The following DGKH variants were observed in gnomAD, a reference collection of about 807,000 sequenced individuals.
DGKH encodes diacylglycerol kinase eta.
A neutral mutation model predicts 159.3 loss-of-function variants in DGKH; 90 were observed. The observed-to-expected ratio is 0.57, with a 90% CI of 0.48 to 0.67. The LOEUF is 0.67. Ranked by LOEUF, DGKH falls within the 30% of genes least tolerant of loss-of-function variation. The pLI, the probability that DGKH is intolerant of heterozygous loss-of-function variation, is 0.00. For synonymous variants in DGKH, 536 were observed against 553.8 expected (o/e 0.97, Z 0.45); for missense variants, 1,181 against 1,506.1 (o/e 0.78, Z 3.57).
chr13:42,176,389 A>G (rs1028567813), intron 12 of DGKH, among the ~76,000 whole-genome samples: 1 of 152,106 alleles, frequency 6.6e-6, no homozygotes, highest in African/African-American at 2.4e-5. Flanking sequence ...TTCTCATCCT[A>G]GCTGTAAAGA....
intron 1 of DGKH, among the ~76,000 whole-genome samples, chr13:42,096,168 G>T (rs1201354042): frequency 6.6e-6 from 1 of 151,916 alleles, no homozygotes; most frequent in East Asian, 1.9e-4. Flanking sequence ...GGGATGCTGA[G>T]GTTTGGAGTA....
At chr13:42,138,429 T>A (rs1387168819) in intron 3 of DGKH, among the ~76,000 whole-genome samples, 1 of 152,176 alleles carries the variant, frequency 6.6e-6, no homozygotes, top group Non-Finnish European at 1.5e-5. Flanking sequence ...CTGTGTCTTC[T>A]TTACCACTGA....
rs543516957 is a variant in DGKH at position 42,218,781 on chromosome 13, T to C, written c.3214-449T>C. Among the ~76,000 whole-genome samples, 40 of 152,282 alleles carry C rather than the reference T, an allele frequency of 2.6e-4. 1 individual carries two copies. In the South Asian group the frequency reaches 7.1e-3, roughly 27 times the overall value. ...ACATTGGCCTCCCAAAGTGCTGGGA[T>C]TATGGGCATGAGCTATCATGCCCAG... On this transcript the variant is annotated intron_variant, in intron 26 of 29. Coordinates refer to ENST00000337343, the MANE Select transcript of DGKH (RefSeq NM_178009.5).
At chr13:42,053,520 A>T (rs529484136) in intron 1 of DGKH, among the ~76,000 whole-genome samples, 1 of 66,662 alleles carries the variant, frequency 1.5e-5, no homozygotes, top group Non-Finnish European at 3.3e-5. Context: ...ATACATAACT[A>T]TATATAACTA....
At chr13:42,205,948 CCTT>C in intron 20 of DGKH, 88 bp from the exon 21 acceptor site, 1 of 643,738 alleles carries the variant, frequency 1.6e-6, no homozygotes, top group South Asian at 6.6e-5. Flanking sequence ...GCTCCATTGT[CCTT>C]CATCTTTAGT....
Position 42,114,511 on chromosome 13 carries a change from T to C in DGKH, c.193-12952T>C, listed in dbSNP as rs76558363. Among the ~76,000 whole-genome samples, 33 of 152,310 alleles carry C rather than the reference T, an allele frequency of 2.2e-4. No homozygotes were observed. The East Asian group carries it at 6.4e-3, about 29-fold the overall frequency. On this transcript the variant is annotated intron_variant, in intron 1 of 29. Transcript: ENST00000337343. ...AGGTGGACATGGCCTCTGCTCTCGC[T>C]GAGCATGCAGGCTACTCAGGGAGAC...
chr13:42,228,447 T>A (rs1958191071), intron 29 of DGKH, among the ~76,000 whole-genome samples: 1 of 152,192 alleles, frequency 6.6e-6, no homozygotes, highest in South Asian at 2.1e-4. Context: ...GCATTTACAG[T>A]CCAAATTTAT....
intron 1 of DGKH, among the ~76,000 whole-genome samples, chr13:42,062,718 A>G (rs1882271753): frequency 6.6e-6 from 1 of 152,236 alleles, no homozygotes. Flanking sequence ...TTTGTGTGAC[A>G]GTAGTTCTGT....
chr13:42,206,709 G>C (rs867747897), intron 21 of DGKH, among the ~76,000 whole-genome samples: 1 of 152,050 alleles, frequency 6.6e-6, no homozygotes, highest in Non-Finnish European at 1.5e-5. Context: ...GCCAGCAAAG[G>C]CAGGTTGAAT....
Position 42,238,597 on chromosome 13 carries a change from C to T in DGKH, c.*9409C>T, listed in dbSNP as rs897579453. On this transcript the variant is annotated 3_prime_UTR_variant, in exon 30 of 30. Coordinates refer to ENST00000337343, the MANE Select transcript of DGKH (RefSeq NM_178009.5). The stretch of plus-strand genomic sequence containing the variant: ...AGTATGTGATGTTCCTTTCTCTGTA[C>T]TGAGTTCTGAATGTTTAATCCAGAG... 2.6e-5 allele frequency: 4 copies of T among 152,094 alleles called. No individual in the cohort carries two copies. Among genetic ancestry groups the T allele is most frequent in the African/African-American group, 9.7e-5 (4 of 41,418 alleles). 9.4% of individuals were successfully genotyped at this position (152,094 alleles called of 1,614,324 possible).
intron 3 of DGKH, among the ~76,000 whole-genome samples, chr13:42,152,289 A>G (rs372386771): frequency 2.0e-5 from 3 of 152,174 alleles, no homozygotes; most frequent in South Asian, 2.1e-4. Flanking sequence ...ATTAATAACT[A>G]TAATTTGTTT....
At position 42,205,801 on chromosome 13, in the gene DGKH, G is replaced by A. The variant is rs1046735254; in HGVS notation, c.2494-238G>A. Among the ~76,000 whole-genome samples the A allele has an allele frequency of 1.2e-4, 19 of 152,222 alleles. No individual in the cohort carries two copies. In the Middle Eastern group the frequency reaches 0.01, roughly 82 times the overall value. ...GACTCCCTGGTTTTGGAGGAAAGAG[G>A]TAAAGCATTTCTTTAAAAATCAGTT... is the stretch of plus-strand genomic sequence containing the variant. On this transcript the variant is annotated intron_variant, in intron 20 of 29. Coordinates refer to ENST00000337343, the MANE Select transcript of DGKH (RefSeq NM_178009.5).
chr13:42,206,304 T>C (rs1957471623), intron 21 of DGKH, among the ~76,000 whole-genome samples, 158 bp downstream of exon 21: 1 of 152,244 alleles, frequency 6.6e-6, no homozygotes, highest in Non-Finnish European at 1.5e-5. Context: ...AAGATTTTAT[T>C]GTAACAGTCT....
chr13:42,222,134 G>A (rs1957991633), intron 29 of DGKH, among the ~76,000 whole-genome samples: 1 of 152,152 alleles, frequency 6.6e-6, no homozygotes, highest in East Asian at 1.9e-4. Flanking sequence ...AGTAGAAACA[G>A]CTGAAGTAGG....
At chr13:42,092,213 T>G (rs528446216) in intron 1 of DGKH, among the ~76,000 whole-genome samples, 1 of 152,322 alleles carries the variant, frequency 6.6e-6, no homozygotes, top group South Asian at 2.1e-4. Flanking sequence ...ATAGATCTAC[T>G]GTATGATCCA....
At chr13:42,115,580 G>A (rs1397092273) in intron 1 of DGKH, among the ~76,000 whole-genome samples, 1 of 152,192 alleles carries the variant, frequency 6.6e-6, no homozygotes, top group Non-Finnish European at 1.5e-5. Flanking sequence ...TGAGTAGAAG[G>A]GAGAGCTGGT....
intron 1 of DGKH, among the ~76,000 whole-genome samples, chr13:42,041,903 T>C (rs1880531460): frequency 6.6e-6 from 1 of 152,218 alleles, no homozygotes; most frequent in Non-Finnish European, 1.5e-5. Context: ...CCGAGTCTGC[T>C]CAGGCCGGCC....
intron 11 of DGKH, among the ~76,000 whole-genome samples, chr13:42,170,642 T>A (rs552710315): frequency 6.6e-6 from 1 of 152,194 alleles, no homozygotes; most frequent in South Asian, 2.1e-4. Context: ...ATTAATTTAC[T>A]GTTTGTAAAG....
At chr13:42,112,895 G>A (rs140308321) in intron 1 of DGKH, among the ~76,000 whole-genome samples, 199 of 152,298 alleles carry the variant, frequency 1.3e-3, no homozygotes, top group African/African-American at 4.5e-3. Context: ...TTCTCTGCCC[G>A]TGTCCAGAAA....
Sources: gnomAD v4.1 joint callset for allele counts (sites outside exome capture counted in the v4.1 genomes callset) on GRCh38, gnomAD v4.1.1 for gene constraint, MANE v1.5 for transcripts, NCBI Gene and HGNC (gene_info 2026-07-23, HGNC 2026-07-21) for gene names.